Variants in SOX7 observed in about 807,000 individuals in gnomAD.
The protein encoded by SOX7 is transcription factor SOX-7.
In SOX7, 19 loss-of-function variants were observed where a neutral mutation model predicts 24.9. The observed-to-expected ratio is 0.76, with a 90% CI of 0.53 to 1.12. The LOEUF (loss-of-function observed/expected upper bound fraction) is 1.12. Ranked by LOEUF, SOX7 falls within the 50% of genes most tolerant of loss-of-function variation. The pLI is 0.00. For missense variants in SOX7, 702 were observed against 535.0 expected (o/e 1.31, Z -3.08); for synonymous variants, 327 against 244.5 (o/e 1.34, Z -3.15).
At position 10,730,114 on chromosome 8, in the gene SOX7, C is replaced by T; in HGVS notation, c.238+82G>A. 1 of 1,078,246 alleles carries T rather than the reference C, an allele frequency of 9.3e-7. No homozygotes were observed. The highest frequency in any genetic ancestry group is 1.2e-6 in the Non-Finnish European group (1 of 833,364). 66.8% of individuals were successfully genotyped at this position (1,078,246 alleles called of 1,614,324 possible). A position where few individuals can be genotyped will look rare whatever the true frequency, so the allele number is the denominator to read the frequency against. On this transcript the variant is annotated intron_variant, in intron 1 of 1. Coordinates refer to ENST00000304501, the MANE Select transcript of SOX7 (RefSeq NM_031439.4). The surrounding 1 kb of genome is among the most constrained non-coding windows in gnomAD (Gnocchi z 4.8). ...CGTGCCGGGTCTTCCCCAGGCTCCG[C>T]GCTCGCACCCGCCCTGCAGTGCCGC...
intron 1 of SOX7, among the ~76,000 whole-genome samples, chr8:10,727,210 A>G (rs1239420827): frequency 6.6e-6 from 1 of 152,192 alleles, no homozygotes; most frequent in Admixed American, 6.5e-5. Flanking sequence ...ATGTCAGTAA[A>G]TCAGAGATTC....
At chr8:10,727,899 C>T (rs1800186864) in intron 1 of SOX7, among the ~76,000 whole-genome samples, 1 of 152,240 alleles carries the variant, frequency 6.6e-6, no homozygotes, top group Admixed American at 6.5e-5. Flanking sequence ...ACACAGCAGC[C>T]CTCAGTGCCT....
rs761210943 is a variant in SOX7 at position 10,726,189 on chromosome 8, C to T, written c.716G>A (p.Gly239Glu). Residue 239 changes from glycine to glutamate, a missense_variant, in exon 2 of 2, where the codon GGG becomes GAG. Gly to Glu is a moderately conservative substitution (Grantham distance 98). Transcript: ENST00000304501. ...GGCGTACTCCGGTGAGTACGGGTGC[C>T]CTGGCAGGTGGGGGATGCGGCGGGG... Reference protein sequence around the residue: ...GHPRRIPHLPGHPYSPEYAPS... With the variant: ...GHPRRIPHLPEHPYSPEYAPS... 5.3e-5 allele frequency: 85 copies of T among 1,612,180 alleles called. No individual in the cohort carries two copies. Among genetic ancestry groups the T allele is most frequent in the Middle Eastern group, 1.6e-4 (1 of 6,072 alleles).
rs140169339 is a variant in SOX7 at position 10,726,611 on chromosome 8, C to T, written c.294G>A (p.Ala98=). ...GCATGTGCTGCAGGCGCAGCCGCTC[C>T]GCCTCGTCCACGTACGGCCTCTTCT... ...LSQKRPYVDE[A]ERLRLQHMQD... is the part of the protein sequence containing the mutation. Residue 98 remains alanine, a synonymous_variant, in exon 2 of 2, where the codon GCG becomes GCA. Coordinates refer to ENST00000304501, the MANE Select transcript of SOX7 (RefSeq NM_031439.4). The T allele has an allele frequency of 9.3e-6, 15 of 1,606,572 alleles. No homozygotes were observed. The highest frequency in any genetic ancestry group is 3.3e-4 in the Middle Eastern group (2 of 6,078).
At position 10,730,508 on chromosome 8, in the gene SOX7, A is replaced by C. The variant is rs1800242040; in HGVS notation, c.-75T>G. On this transcript the variant is annotated 5_prime_UTR_variant, in exon 1 of 2. Coordinates refer to ENST00000304501, the MANE Select transcript of SOX7 (RefSeq NM_031439.4). This position sits in a 1 kb window ranked among gnomAD's most constrained non-coding sequence, Gnocchi z 4.8. Reference sequence around the variant, plus strand: ...GGCCCTCGCACGGGTCGGGGCGTCCAACTTGGCCCGCAGCCGCGACCCGGC... The same window carrying C: ...GGCCCTCGCACGGGTCGGGGCGTCCCACTTGGCCCGCAGCCGCGACCCGGC... 1 of 1,089,806 alleles carries C rather than the reference A, an allele frequency of 9.2e-7. No homozygotes were observed. Among genetic ancestry groups the C allele is most frequent in the African/African-American group, 1.7e-5 (1 of 59,844 alleles). The allele number at this position is 1,089,806 out of a possible 1,614,324, so 67.5% of individuals were successfully genotyped here.
rs766533156 is a variant in SOX7, at chr8:10,726,573, T to G, written c.332A>C (p.Asn111Thr). Residue 111 changes from asparagine (N) to threonine (T), a missense_variant, in exon 2 of 2, where the codon AAC becomes ACC. Physicochemically the swap from Asn to Thr is moderately conservative, Grantham distance 65. Transcript: ENST00000304501. Reference protein sequence around the residue: ...LRLQHMQDYPNYKYRPRRKKQ... With the variant: ...LRLQHMQDYPTYKYRPRRKKQ... ...CTTCCTGCGCGGCCGGTACTTGTAGTTGGGGTAGTCCTGCATGTGCTGCAG... is the reference window on the plus strand; with the variant it reads ...CTTCCTGCGCGGCCGGTACTTGTAGGTGGGGTAGTCCTGCATGTGCTGCAG... The G allele has an allele frequency of 1.9e-6, 3 of 1,611,518 alleles. No individual in the cohort carries two copies. Among genetic ancestry groups the G allele is most frequent in the South Asian group, 2.2e-5 (2 of 91,076 alleles).
In SOX7 at chr8:10,725,882, G is replaced by T. The variant is rs775930397; in HGVS notation, c.1023C>A (p.His341Gln). 3 of 1,614,086 alleles carry T rather than the reference G, an allele frequency of 1.9e-6. No individual in the cohort carries two copies. In the East Asian group the frequency reaches 6.7e-5, roughly 36 times the overall value. Residue 341 changes from histidine (H) to glutamine (Q), a missense_variant, in exon 2 of 2, where the codon CAC becomes CAA. By Grantham distance (24) the His-to-Gln change is conservative (BLOSUM62 0). Coordinates refer to ENST00000304501, the MANE Select transcript of SOX7 (RefSeq NM_031439.4). ...EFDQYLNTPG[H>Q]PDSATGAMAL... ...CCATGGCCCCTGTGGCGGAGTCTGG[G>T]TGGCCAGGAGTGTTCAAATACTGGT... is the stretch of plus-strand genomic sequence containing the variant.
chr8:10,730,248 C>T lies in SOX7; in HGVS notation c.186G>A (p.Arg62=). The change falls in exon 1 of 2, where the codon CGG becomes CGA. Residue 62 remains arginine (R), a synonymous_variant. Transcript: ENST00000304501. The surrounding 1 kb of genome is among the most constrained non-coding windows in gnomAD (Gnocchi z 4.8). The stretch of plus-strand genomic sequence containing the variant: ...GCAGGTCCGGGTTCTGCACTGCCAG[C>T]CGTTTCCTCTCGTCCTTGGCCCAAA... ...FMVWAKDERK[R]LAVQNPDLHN... 1 of 1,576,044 alleles carries T rather than the reference C, an allele frequency of 6.3e-7. No individual in the cohort carries two copies. The highest frequency in any genetic ancestry group is 8.6e-7 in the Non-Finnish European group (1 of 1,163,122).
At position 10,726,180 on chromosome 8, in the gene SOX7, T is replaced by A. The variant is rs761633652; in HGVS notation, c.725A>T (p.Tyr242Phe). 1 of 1,610,534 alleles carries A rather than the reference T, an allele frequency of 6.2e-7. No individual in the cohort carries two copies. The highest frequency in any genetic ancestry group is 8.5e-7 in the Non-Finnish European group (1 of 1,178,534). Residue 242 changes from tyrosine to phenylalanine, a missense_variant, in exon 2 of 2, where the codon TAC becomes TTC. Tyr to Phe is a conservative substitution (Grantham distance 22). Transcript: ENST00000304501. Reference sequence around the variant, plus strand: ...AGGGCTTGGGGCGTACTCCGGTGAGTACGGGTGCCCTGGCAGGTGGGGGAT... The same window carrying A: ...AGGGCTTGGGGCGTACTCCGGTGAGAACGGGTGCCCTGGCAGGTGGGGGAT... ...RRIPHLPGHP[Y>F]SPEYAPSPLH...
At chr8:10,726,743 C>G (rs550481914) in intron 1 of SOX7, 77 bp from the exon 2 acceptor site, 37 of 1,320,950 alleles carry the variant, frequency 2.8e-5, no homozygotes, top group Non-Finnish European at 3.5e-5. Context: ...CGTGCACACA[C>G]ACGTGCACAT....
In SOX7 at chr8:10,730,156, G is replaced by GC; in HGVS notation, c.238+39dup. ...CAGTGCCGCCAGCCGCCCGCCGCCC[G>GC]CCCCCGGCCCCCAGCCCGCTCGGCC... On this transcript the variant is annotated intron_variant, in intron 1 of 1. Coordinates refer to ENST00000304501, the MANE Select transcript of SOX7 (RefSeq NM_031439.4). This position sits in a 1 kb window ranked among gnomAD's most constrained non-coding sequence, Gnocchi z 4.8. The GC allele has an allele frequency of 3.2e-6, 2 of 620,014 alleles. No homozygotes were observed. Among genetic ancestry groups the GC allele is most frequent in the African/African-American group, 2.0e-5 (1 of 49,272 alleles). The allele number at this position is 620,014 out of a possible 1,614,324, so 38.4% of individuals were successfully genotyped here.
rs773958206 is a variant in SOX7, at chr8:10,726,382, G to T, written c.523C>A (p.Arg175=). 1.2e-6 allele frequency: 2 copies of T among 1,612,462 alleles called. No homozygotes were observed. Among genetic ancestry groups the T allele is most frequent in the Non-Finnish European group, 1.7e-6 (2 of 1,179,378 alleles). The stretch of plus-strand genomic sequence containing the variant: ...GCCGGCCCCTCGTGGTAGCAGCCCC[G>T]GAGGCTGGGCAGGGCAGTGCCGGGG... ...YSPGTALPSL[R]GCYHEGPAGG... Residue 175 remains arginine, a synonymous_variant, in exon 2 of 2, where the codon CGG becomes AGG. Transcript: ENST00000304501.
chr8:10,727,953 G>T (rs1011381829), intron 1 of SOX7, among the ~76,000 whole-genome samples: 10 of 152,208 alleles, frequency 6.6e-5, no homozygotes, highest in Non-Finnish European at 1.5e-4. Context: ...GCCAGGGGAG[G>T]GCAATGATTA....
At chr8:10,727,764 A>G (rs1310940550) in intron 1 of SOX7, among the ~76,000 whole-genome samples, 6 of 152,084 alleles carry the variant, frequency 3.9e-5, no homozygotes, top group Non-Finnish European at 8.8e-5. Context: ...CAACTTTAAC[A>G]TGTTCTACCA....
chr8:10,729,154 A>C (rs1300737419), intron 1 of SOX7, among the ~76,000 whole-genome samples: 1 of 152,160 alleles, frequency 6.6e-6, no homozygotes, highest in Admixed American at 6.5e-5. Flanking sequence ...GGCTTTAGCC[A>C]GCAGAAAGAG....
rs775918915 is a variant in SOX7 at position 10,726,207 on chromosome 8, C to T, written c.698G>A (p.Arg233His). ...PCQEEHGHPR[R>H]IPHLPGHPYS... ...CGGGTGCCCTGGCAGGTGGGGGATG[C>T]GGCGGGGATGGCCATGCTCCTCCTG... The change falls in exon 2 of 2, where the codon CGC (arginine) becomes CAC (histidine). Residue 233 changes from arginine to histidine, a missense_variant. Arg to His is a conservative substitution (Grantham distance 29, BLOSUM62 0). Coordinates refer to ENST00000304501, the MANE Select transcript of SOX7 (RefSeq NM_031439.4). The T allele has an allele frequency of 1.9e-5, 31 of 1,609,392 alleles. No individual in the cohort carries two copies. Among genetic ancestry groups the T allele is most frequent in the Non-Finnish European group, 2.5e-5 (29 of 1,177,224 alleles).
At position 10,726,238 on chromosome 8, in the gene SOX7, GGGA is replaced by G. The variant is rs780873175; in HGVS notation, c.664_666del (p.Ser222del). On this transcript the variant is annotated inframe_deletion, in exon 2 of 2. Coordinates refer to ENST00000304501, the MANE Select transcript of SOX7 (RefSeq NM_031439.4). The stretch of plus-strand genomic sequence containing the variant: ...GGATGGCCATGCTCCTCCTGGCAGG[GGGA>G]GGAGAAGAAGGTCTGCTCCGGCTCC... 60 of 1,613,812 alleles carry G rather than the reference GGGA, an allele frequency of 3.7e-5. No homozygotes were observed. In the South Asian group the frequency reaches 5.6e-4, roughly 15 times the overall value.
rs1230940243 is a variant in SOX7, at chr8:10,730,262, C to G, written c.172G>C (p.Asp58His). The G allele has an allele frequency of 6.3e-7, 1 of 1,581,332 alleles. No individual in the cohort carries two copies. ...TGCACTGCCAGCCGTTTCCTCTCGT[C>G]CTTGGCCCAAACCATGAAGGCGTTC... ...PMNAFMVWAK[D>H]ERKRLAVQNP... The change falls in exon 1 of 2, where the codon GAC (aspartate) becomes CAC (histidine). Residue 58 changes from aspartate to histidine, a missense_variant. By Grantham distance (81) the Asp-to-His change is moderately conservative. Coordinates refer to ENST00000304501, the MANE Select transcript of SOX7 (RefSeq NM_031439.4). This position sits in a 1 kb window ranked among gnomAD's most constrained non-coding sequence, Gnocchi z 4.8.
chr8:10,728,156 CTCTG>C (rs1425059919), intron 1 of SOX7, among the ~76,000 whole-genome samples: 1 of 152,220 alleles, frequency 6.6e-6, no homozygotes, highest in East Asian at 1.9e-4. Context: ...GCACCCCATA[CTCTG>C]TCTGTGGTCT....
Sources: allele counts gnomAD v4.1 joint callset (sites outside exome capture counted in the v4.1 genomes callset), GRCh38; gene constraint gnomAD v4.1.1; non-coding constraint Gnocchi (gnomAD v3.1); transcripts MANE v1.5; gene names NCBI Gene and HGNC (gene_info 2026-07-23, HGNC 2026-07-21).